Variants in TNR observed in about 807,000 individuals in gnomAD.
TNR encodes the protein tenascin-R.
TNR carries 45 observed loss-of-function variants against 150.4 expected under a neutral mutation model. That is an observed-to-expected ratio of 0.30 (90% CI 0.24 to 0.38). The LOEUF (loss-of-function observed/expected upper bound fraction) is 0.38, where lower values mean the gene tolerates loss of function less well. TNR is among the 10% of genes least tolerant of loss of function. The probability of loss-of-function intolerance (pLI) is 1.00; values close to 1 mark genes in which losing one functional copy is unlikely to be tolerated. For missense variants in TNR, 1,544 were observed against 1,759.1 expected (o/e 0.88, Z 2.19); for synonymous variants, 687 against 678.4 (o/e 1.01, Z -0.20).
At chr1:175,661,202 C>T (rs1357681524) in intron 1 of TNR, among the ~76,000 whole-genome samples, 1 of 152,150 alleles carries the variant, frequency 6.6e-6, no homozygotes, top group East Asian at 1.9e-4. Flanking sequence ...AGACCCATGA[C>T]CAAGTGGAGC....
chr1:175,494,180 GC>G (rs1410415446), intron 2 of TNR, among the ~76,000 whole-genome samples: 1 of 151,088 alleles, frequency 6.6e-6, no homozygotes, highest in East Asian at 2.0e-4. Flanking sequence ...GCTCCACACA[GC>G]TGGGCTCTCT....
chr1:175,324,113 G>T (rs1649223206), intron 22 of TNR, among the ~76,000 whole-genome samples: 1 of 152,140 alleles, frequency 6.6e-6, no homozygotes, highest in African/African-American at 2.4e-5. Context: ...CTCTCTTCAT[G>T]GGATCTTCTG....
chr1:175,418,214 A>ACC (rs1253531375), intron 2 of TNR, among the ~76,000 whole-genome samples: 4 of 151,890 alleles, frequency 2.6e-5, no homozygotes, highest in Non-Finnish European at 4.4e-5. Flanking sequence ...GTCTCAGGCG[A>ACC]CCCCCTGTGT....
At chr1:175,551,696 C>T (rs1434509165) in intron 1 of TNR, among the ~76,000 whole-genome samples, 1 of 152,202 alleles carries the variant, frequency 6.6e-6, no homozygotes, top group East Asian at 1.9e-4. Context: ...AAAAATTAAA[C>T]TCCAGGACAA....
intron 1 of TNR, among the ~76,000 whole-genome samples, chr1:175,715,947 C>T (rs943844601): frequency 2.0e-5 from 3 of 152,170 alleles, no homozygotes; most frequent in Non-Finnish European, 1.5e-5. Context: ...AGTGAAGCTT[C>T]GTGTCTGAGC....
intron 1 of TNR, among the ~76,000 whole-genome samples, chr1:175,602,203 C>CAAAAAAAA (rs57341654): frequency 5.2e-4 from 16 of 30,564 alleles, no homozygotes; most frequent in Non-Finnish European, 7.1e-4. Context: ...GGACCAAAGG[C>CAAAAAAAA]AAAAAAAAAA....
intron 1 of TNR, among the ~76,000 whole-genome samples, chr1:175,582,950 C>T (rs1196932686): frequency 6.6e-6 from 1 of 152,028 alleles, no homozygotes; most frequent in Non-Finnish European, 1.5e-5. Flanking sequence ...GTGCCTTCTA[C>T]AATATGATGG....
intron 1 of TNR, among the ~76,000 whole-genome samples, chr1:175,641,544 G>C (rs536681617): frequency 1.6e-4 from 24 of 152,286 alleles, no homozygotes; most frequent in African/African-American, 5.8e-4. Flanking sequence ...ATGGCTCATG[G>C]GGCAAAGAGT....
At chr1:175,414,595 C>T (rs1017818889) in intron 2 of TNR, among the ~76,000 whole-genome samples, 27 of 152,172 alleles carry the variant, frequency 1.8e-4, no homozygotes, top group African/African-American at 4.1e-4. Flanking sequence ...GAGGTGTCTC[C>T]GGGTAATTTG....
chr1:175,529,252 A>G (rs901104060), intron 1 of TNR, among the ~76,000 whole-genome samples: 2 of 152,224 alleles, frequency 1.3e-5, no homozygotes, highest in Non-Finnish European at 2.9e-5. Context: ...GTGCTTCAAG[A>G]GGATGGATTT....
intron 1 of TNR, among the ~76,000 whole-genome samples, chr1:175,531,940 G>A (rs946134517): frequency 1.3e-5 from 2 of 152,334 alleles, no homozygotes; most frequent in Admixed American, 1.3e-4. Flanking sequence ...CAGCCCAAGA[G>A]ACTCTGTTGA....
intron 1 of TNR, among the ~76,000 whole-genome samples, chr1:175,539,621 C>T (rs1176069611): frequency 6.6e-6 from 1 of 152,204 alleles, no homozygotes; most frequent in Admixed American, 6.5e-5. Context: ...CAGACCCTCT[C>T]CCATTTGCCT....
chr1:175,689,059 A>C (rs78339694), intron 1 of TNR, among the ~76,000 whole-genome samples: 11,556 of 152,266 alleles, frequency 0.076, 535 homozygotes, highest in East Asian at 0.17. Flanking sequence ...AGGTAACTAG[A>C]GTTCTTGGCA....
At chr1:175,740,459 G>A (rs150746652) in intron 1 of TNR, among the ~76,000 whole-genome samples, 16 of 151,950 alleles carry the variant, frequency 1.1e-4, no homozygotes, top group African/African-American at 1.7e-4. Flanking sequence ...TAATAATGGC[G>A]CTTTCCAGGT....
intron 1 of TNR, among the ~76,000 whole-genome samples, chr1:175,681,068 G>A (rs976289983): frequency 4.6e-5 from 7 of 152,164 alleles, no homozygotes; most frequent in African/African-American, 1.7e-4. Context: ...GAGGGCTCCA[G>A]GTGCAGACAG....
intron 1 of TNR, among the ~76,000 whole-genome samples, chr1:175,560,188 C>T (rs1229324582): frequency 6.6e-6 from 1 of 152,180 alleles, no homozygotes; most frequent in African/African-American, 2.4e-5. Context: ...TAGTTCTACC[C>T]CTGTTGAATT....
At chr1:175,477,652 G>A (rs859414) in intron 2 of TNR, among the ~76,000 whole-genome samples, 16 of 152,194 alleles carry the variant, frequency 1.1e-4, no homozygotes, top group South Asian at 2.1e-4. Flanking sequence ...TACTGGCTTG[G>A]GAATGAGGGC....
intron 1 of TNR, among the ~76,000 whole-genome samples, chr1:175,598,254 G>GTAGA (rs1283926960): frequency 6.6e-6 from 1 of 152,188 alleles, no homozygotes; most frequent in East Asian, 1.9e-4. Context: ...TGATTCAACT[G>GTAGA]TAGACCTCAT....
intron 2 of TNR, among the ~76,000 whole-genome samples, chr1:175,448,555 C>G (rs552661095): frequency 1.3e-5 from 2 of 152,356 alleles, no homozygotes; most frequent in South Asian, 4.1e-4. Context: ...CAGCAGCTCA[C>G]TGTGCTCCTC....
Sources: allele counts gnomAD v4.1 joint callset (sites outside exome capture counted in the v4.1 genomes callset), GRCh38; gene constraint gnomAD v4.1.1; transcripts MANE v1.5; gene names NCBI Gene and HGNC (gene_info 2026-07-23, HGNC 2026-07-21).